Variants in RORA observed in about 807,000 individuals in gnomAD.
RORA encodes nuclear receptor ROR-alpha.
Under a neutral mutation model 69.5 loss-of-function variants are expected in RORA, and 7 were observed. The ratio of observed to expected loss-of-function variants is 0.10; its 90% CI spans 0.06 to 0.19. The LOEUF is 0.19. RORA is among the 10% of genes least tolerant of loss of function. The probability of loss-of-function intolerance (pLI) is 1.00; values close to 1 mark genes in which losing one functional copy is unlikely to be tolerated. For missense variants in RORA, 457 were observed against 663.0 expected, an observed-to-expected ratio of 0.69 and a Z score of 3.41; for synonymous variants, 261 against 240.8, an observed-to-expected ratio of 1.08 and a Z score of -0.78.
rs142596287 is a variant in RORA, at chr15:61,139,795, C to G, written c.166+89258G>C. Reference sequence around the variant, plus strand: ...TTTAAGATCTGATAGGAGAAAAGAACCCAAAAATAAATCACAAGAAAAAAT... The same window carrying G: ...TTTAAGATCTGATAGGAGAAAAGAAGCCAAAAATAAATCACAAGAAAAAAT... On this transcript the variant is annotated intron_variant, in intron 1 of 10. Coordinates refer to ENST00000335670, the MANE Select transcript of RORA (RefSeq NM_134261.3). Among the ~76,000 whole-genome samples the G allele has an allele frequency of 6.2e-3, 940 of 152,240 alleles. 6 individuals carry two copies. Among genetic ancestry groups the G allele is most frequent in the South Asian group, 0.026 (124 of 4,822 alleles).
chr15:61,210,412 T>C (rs965346059), intron 1 of RORA, among the ~76,000 whole-genome samples: 1 of 152,156 alleles, frequency 6.6e-6, no homozygotes, highest in East Asian at 1.9e-4. Context: ...AGACCTAAAC[T>C]AGATAATTTG....
At chr15:60,708,142 A>T (rs1362443677) in intron 1 of RORA, among the ~76,000 whole-genome samples, 1 of 152,184 alleles carries the variant, frequency 6.6e-6, no homozygotes, top group Non-Finnish European at 1.5e-5. Context: ...CATTCTGGCA[A>T]TAGAGGAGCC....
At chr15:60,640,498 C>A (rs889677649) in intron 2 of RORA, among the ~76,000 whole-genome samples, 15 of 152,138 alleles carry the variant, frequency 9.9e-5, no homozygotes, top group African/African-American at 3.4e-4. Context: ...TGCCTAAAAC[C>A]CTCCCGTGGC....
At chr15:60,691,431 C>T (rs1447850314) in intron 1 of RORA, among the ~76,000 whole-genome samples, 2 of 152,060 alleles carry the variant, frequency 1.3e-5, no homozygotes, top group Non-Finnish European at 2.9e-5. Context: ...TAGATACTCA[C>T]AAAAAATTGT....
At chr15:60,597,593 T>TATAA (rs1446528018) in intron 2 of RORA, among the ~76,000 whole-genome samples, 1 of 25,834 alleles carries the variant, frequency 3.9e-5, no homozygotes, top group Non-Finnish European at 7.2e-5. Context: ...TATATATATA[T>TATAA]ACACATATAT....
chr15:61,169,035 T>C (rs1411107650), intron 1 of RORA, among the ~76,000 whole-genome samples: 1 of 152,190 alleles, frequency 6.6e-6, no homozygotes, highest in Non-Finnish European at 1.5e-5. Context: ...TCCATCCTGC[T>C]GGATCTCACC....
chr15:60,591,291 AGCGGGCG>A lies in RORA; in HGVS notation c.197-59447_197-59441del, dbSNP rs533592958. Among the ~76,000 whole-genome samples, 686 of 152,202 alleles carry A rather than the reference AGCGGGCG, an allele frequency of 4.5e-3. 5 individuals are homozygous for A. Among genetic ancestry groups the A allele is most frequent in the African/African-American group, 0.015 (618 of 41,498 alleles). The stretch of plus-strand genomic sequence containing the variant: ...ACGGCGAGGAACCTGCGGGCGCACA[AGCGGGCG>A]GCGGGCGGCGGGCGGCGTGCTGCGG... On this transcript the variant is annotated intron_variant, in intron 2 of 10. Coordinates refer to ENST00000335670, the MANE Select transcript of RORA (RefSeq NM_134261.3).
chr15:60,533,268 T>C (rs1341968823), intron 2 of RORA, among the ~76,000 whole-genome samples: 1 of 152,196 alleles, frequency 6.6e-6, no homozygotes, highest in African/African-American at 2.4e-5. Context: ...TTCTTTGCTG[T>C]CCAAATTTAG....
chr15:61,093,947 T>G (rs2078750224), intron 1 of RORA, among the ~76,000 whole-genome samples: 1 of 152,196 alleles, frequency 6.6e-6, no homozygotes, highest in Non-Finnish European at 1.5e-5. Context: ...AGGTGAGGAT[T>G]ACAAACTTCT....
intron 3 of RORA, 134 bp from the exon 4 acceptor site, chr15:60,514,891 A>G: frequency 1.6e-6 from 1 of 635,698 alleles, no homozygotes. Context: ...CATCCAGGAG[A>G]CCATTAATGA....
intron 1 of RORA, among the ~76,000 whole-genome samples, chr15:60,912,785 A>T (rs960459748): frequency 1.9e-5 from 2 of 108,090 alleles, no homozygotes; most frequent in Non-Finnish European, 4.7e-5. Context: ...AAAACAAAAC[A>T]AAACACAACA....
intron 1 of RORA, among the ~76,000 whole-genome samples, chr15:60,929,363 T>C (rs1198109853): frequency 6.6e-6 from 1 of 152,198 alleles, no homozygotes; most frequent in Non-Finnish European, 1.5e-5. Flanking sequence ...AAGTCTGGTA[T>C]TCATCACTGG....
intron 1 of RORA, among the ~76,000 whole-genome samples, chr15:60,722,307 T>C (rs1329381442): frequency 2.0e-5 from 3 of 152,200 alleles, no homozygotes; most frequent in Non-Finnish European, 4.4e-5. Context: ...TGAGTGAAAC[T>C]GAAGAGGAAA....
At chr15:60,840,125 T>C (rs2073176324) in intron 1 of RORA, among the ~76,000 whole-genome samples, 1 of 152,152 alleles carries the variant, frequency 6.6e-6, no homozygotes, top group Non-Finnish European at 1.5e-5. Flanking sequence ...GGAAGAGACC[T>C]GGGTCTGCAG....
chr15:60,827,716 C>T (rs1463941921), intron 1 of RORA, among the ~76,000 whole-genome samples: 22 of 152,118 alleles, frequency 1.4e-4, no homozygotes, highest in Admixed American at 1.3e-3. Context: ...GCTGCCTGTG[C>T]GGGTCCCTGG....
intron 2 of RORA, among the ~76,000 whole-genome samples, chr15:60,619,948 C>T (rs1341687597): frequency 1.3e-5 from 2 of 152,248 alleles, no homozygotes; most frequent in South Asian, 4.1e-4. Flanking sequence ...ATTCAGGTTT[C>T]CAAGAGCTCC....
intron 1 of RORA, among the ~76,000 whole-genome samples, chr15:60,965,830 T>C (rs1186515957): frequency 6.6e-6 from 1 of 152,184 alleles, no homozygotes; most frequent in Non-Finnish European, 1.5e-5. Context: ...CTTCACCCTG[T>C]CTCACACTTA....
intron 1 of RORA, among the ~76,000 whole-genome samples, chr15:61,153,606 C>T (rs1032211779): frequency 6.6e-6 from 1 of 152,150 alleles, no homozygotes; most frequent in Non-Finnish European, 1.5e-5. Flanking sequence ...TACAGGGCAT[C>T]GACTTGAATG....
intron 1 of RORA, among the ~76,000 whole-genome samples, chr15:61,137,482 T>A (rs1376899836): frequency 6.6e-6 from 1 of 152,178 alleles, no homozygotes; most frequent in Admixed American, 6.5e-5. Context: ...TTATCCCCAT[T>A]TGTAAAATGC....
Sources: gnomAD v4.1 joint callset for allele counts (sites outside exome capture counted in the v4.1 genomes callset) on GRCh38, gnomAD v4.1.1 for gene constraint, MANE v1.5 for transcripts, NCBI Gene and HGNC (gene_info 2026-07-23, HGNC 2026-07-21) for gene names.